Variants in ANO9 observed in about 807,000 individuals in gnomAD.
The protein encoded by ANO9 is anoctamin-9.
A neutral mutation model predicts 100.5 loss-of-function variants in ANO9; 80 were observed. The ratio of observed to expected loss-of-function variants is 0.80; its 90% CI spans 0.66 to 0.96. The LOEUF (loss-of-function observed/expected upper bound fraction) is 0.96. Among genes scored for constraint, ANO9 ranks in the 40% least tolerant of loss-of-function variants. The pLI is 0.00. For synonymous variants in ANO9, 473 were observed against 435.6 expected (o/e 1.09, Z -1.07); for missense variants, 1,064 against 1,072.7 (o/e 0.99, Z 0.11).
At chr11:427,245 G>A (rs1239567675) in intron 15 of ANO9, among the ~76,000 whole-genome samples, 3 of 152,048 alleles carry the variant, frequency 2.0e-5, no homozygotes, top group African/African-American at 7.2e-5. Context: ...AGCCACTCAG[G>A]AGGCTGAGGC....
intron 15 of ANO9, among the ~76,000 whole-genome samples, chr11:424,187 C>A (rs1848361156): frequency 6.6e-6 from 1 of 152,226 alleles, no homozygotes; most frequent in Non-Finnish European, 1.5e-5. Context: ...AGCCACTGCA[C>A]CTGGCCCACA....
Position 432,438 on chromosome 11 carries a change from T to A in ANO9, c.351-384A>T. On this transcript the variant is annotated intron_variant, in intron 4 of 22. Transcript: ENST00000332826. The surrounding 1 kb of genome is among the most constrained non-coding windows in gnomAD (Gnocchi z 4.8). ...CACCCTCCTTATACCCTGGAGCTGTTCTGTTCCACTGTGCAGAGCAGAGAC... is the reference window on the plus strand; with the variant it reads ...CACCCTCCTTATACCCTGGAGCTGTACTGTTCCACTGTGCAGAGCAGAGAC... The A allele has an allele frequency of 3.9e-6, 1 of 258,980 alleles. No homozygotes were observed. Among genetic ancestry groups the A allele is most frequent in the Non-Finnish European group, 7.6e-6 (1 of 132,288 alleles). 16.0% of individuals were successfully genotyped at this position (258,980 alleles called of 1,614,324 possible).
intron 15 of ANO9, among the ~76,000 whole-genome samples, chr11:423,150 T>C (rs530361909): frequency 1.3e-5 from 2 of 152,250 alleles, no homozygotes; most frequent in South Asian, 2.1e-4. Flanking sequence ...TTTTTGGCAA[T>C]TTGACAAAAT....
chr11:424,989 C>T (rs1219866766), intron 15 of ANO9, among the ~76,000 whole-genome samples: 1 of 145,396 alleles, frequency 6.9e-6, no homozygotes, highest in Non-Finnish European at 1.5e-5. Flanking sequence ...GAGGAAAAGG[C>T]GGCGGGGAGA....
rs201272481 is a variant in ANO9 at position 430,281 on chromosome 11, G to A, written c.662C>T (p.Ala221Val). Residue 221 changes from alanine (A) to valine (V), a missense_variant, in exon 8 of 23, where the codon GCC becomes GTC. Coordinates refer to ENST00000332826, the MANE Select transcript of ANO9 (RefSeq NM_001012302.3). ...TGCTGCGGCCCACCTGATCTGGCTG[G>A]CCTCAAACAGCGAGAATCCGCTCAG... ...VFLSGFSLFE[A>V]SQISKEICEA... The A allele has an allele frequency of 4.6e-5, 73 of 1,575,474 alleles. No homozygotes were observed. The East Asian group carries it at 9.9e-4, about 21-fold the overall frequency.
In ANO9 at chr11:421,487, ACGAACCGCACC is replaced by A. The variant is rs1848189539; in HGVS notation, c.1335-300_1335-290del. Among the ~76,000 whole-genome samples, 2 of 22,492 alleles carry A rather than the reference ACGAACCGCACC, an allele frequency of 8.9e-5. 1 individual carries two copies. The highest frequency in any genetic ancestry group is 1.6e-4 in the Non-Finnish European group (2 of 12,534). 14.8% of individuals were successfully genotyped at this position (22,492 alleles called of 152,430 possible). A position where few individuals can be genotyped will look rare whatever the true frequency, so the allele number is the denominator to read the frequency against. ...CACAGGGGAGGCCACAGGCTCCCAG[ACGAACCGCACC>A]TGCACGTGGGCGCACACACACCCAC... On this transcript the variant is annotated intron_variant, in intron 15 of 22. Coordinates refer to ENST00000332826, the MANE Select transcript of ANO9 (RefSeq NM_001012302.3). The surrounding 1 kb of genome is among the most constrained non-coding windows in gnomAD (Gnocchi z 6.8).
rs1716865557 is a variant in ANO9 at position 418,227 on chromosome 11, C to T, written c.*144G>A. On this transcript the variant is annotated 3_prime_UTR_variant, in exon 23 of 23. Transcript: ENST00000332826. ...GGCGGAATAGGGTGGCAGCTCACAGCCCTGAACATACAGGGGATTCCTGCG... is the reference window on the plus strand; with the variant it reads ...GGCGGAATAGGGTGGCAGCTCACAGTCCTGAACATACAGGGGATTCCTGCG... The T allele has an allele frequency of 3.6e-6, 3 of 831,716 alleles. No individual in the cohort carries two copies. The highest frequency in any genetic ancestry group is 5.5e-6 in the Non-Finnish European group (3 of 547,312). The allele number at this position is 831,716 out of a possible 1,614,324, so 51.5% of individuals were successfully genotyped here. A position where few individuals can be genotyped will look rare whatever the true frequency, so the allele number is the denominator to read the frequency against.
At position 430,412 on chromosome 11, in the gene ANO9, A is replaced by G; in HGVS notation, c.540-9T>C. ...TTTCCCCAAAGTAGTTCCTGCAGGC[A>G]GCAGGGGTCAAGGCCAGCTGTCAGG... On this transcript the variant is annotated splice_polypyrimidine_tract_variant and intron_variant, in intron 7 of 22. Transcript: ENST00000332826. The G allele has an allele frequency of 7.1e-7, 1 of 1,402,490 alleles. No homozygotes were observed. Among genetic ancestry groups the G allele is most frequent in the East Asian group, 3.4e-5 (1 of 29,756 alleles). The allele number at this position is 1,402,490 out of a possible 1,614,324, so 86.9% of individuals were successfully genotyped here.
At chr11:420,038 T>C in intron 19 of ANO9, 3 of 1,331,436 alleles carry the variant, frequency 2.3e-6, no homozygotes, top group Non-Finnish European at 2.9e-6. Flanking sequence ...TAAGACCTTG[T>C]AACCTGGGCC....
In ANO9 at chr11:422,865, T is replaced by C. The variant is rs1441874569; in HGVS notation, c.1335-1667A>G. ...TTTTTTTTCAGACAGAGTCTTGCTC[T>C]GTCACCCAGGCTGGAGTGCAATGGC... On this transcript the variant is annotated intron_variant, in intron 15 of 22. Transcript: ENST00000332826. The surrounding 1 kb of genome is among the most constrained non-coding windows in gnomAD (Gnocchi z 4.3). Among the ~76,000 whole-genome samples the C allele has an allele frequency of 1.3e-5, 2 of 151,722 alleles. No individual in the cohort carries two copies. The highest frequency in any genetic ancestry group is 4.9e-5 in the African/African-American group (2 of 41,210).
At position 420,106 on chromosome 11, in the gene ANO9, T is replaced by C. The variant is rs541504879; in HGVS notation, c.1786+357A>G. On this transcript the variant is annotated intron_variant, in intron 19 of 22. Coordinates refer to ENST00000332826, the MANE Select transcript of ANO9 (RefSeq NM_001012302.3). The stretch of plus-strand genomic sequence containing the variant: ...CTTTCCCCACATCCAGCGCCCCAGC[T>C]CCCGTCGCTCCCCTGCTGCCTGTCC... The C allele has an allele frequency of 5.5e-4, 725 of 1,316,136 alleles. 1 individual carries two copies. In the Middle Eastern group the frequency reaches 0.012, roughly 22 times the overall value. 81.5% of individuals were successfully genotyped at this position (1,316,136 alleles called of 1,614,324 possible).
rs1304632530 is a variant in ANO9, at chr11:418,571, T to G, written c.2149A>C (p.Lys717Gln). The G allele has an allele frequency of 6.2e-7, 1 of 1,612,948 alleles. No homozygotes were observed. Among genetic ancestry groups the G allele is most frequent in the Admixed American group, 1.7e-5 (1 of 60,030 alleles). The change falls in exon 23 of 23, where the codon AAG becomes CAG. Residue 717 changes from lysine (K) to glutamine (Q), a missense_variant. Transcript: ENST00000332826. ...ILFEHVALCI[K>Q]LIAAWFVPDI... ...GGCACGAACCAGGCGGCGATGAGCT[T>G]GATGCACAAGGCCACGTGCTAGCGG...
At position 430,147 on chromosome 11, in the gene ANO9, AT is replaced by A. The variant is rs766096219; in HGVS notation, c.706del (p.Met236CysfsTer101). 8 of 1,553,800 alleles carry A rather than the reference AT, an allele frequency of 5.1e-6. No homozygotes were observed. The South Asian group carries it at 9.5e-5, about 18-fold the overall frequency. ...KEICEAHDIL[M>X]CPLGDHSRRY... is the part of the protein sequence containing the mutation. ...GCGGCTGTGGTCGCCGAGGGGACACATGAGGATGTCGTGGGCCTCACAGATC... is the reference window on the plus strand; with the variant it reads ...GCGGCTGTGGTCGCCGAGGGGACACAGAGGATGTCGTGGGCCTCACAGATC... On this transcript the variant is annotated frameshift_variant, in exon 9 of 23. Coordinates refer to ENST00000332826, the MANE Select transcript of ANO9 (RefSeq NM_001012302.3). LOFTEE classifies it high-confidence loss of function.
chr11:440,936 C>T (rs1367447793), intron 1 of ANO9, among the ~76,000 whole-genome samples: 1 of 152,264 alleles, frequency 6.6e-6, no homozygotes, highest in Admixed American at 6.5e-5. Flanking sequence ...CTCTCACTTC[C>T]AACAAACCAG....
intron 1 of ANO9, among the ~76,000 whole-genome samples, chr11:435,633 GGTCTA>G (rs1169874685): frequency 2.2e-4 from 21 of 94,768 alleles, no homozygotes; most frequent in African/African-American, 7.2e-4. Context: ...AGTCTAGTAT[GGTCTA>G]GTCTAGTCTA....
intron 15 of ANO9, among the ~76,000 whole-genome samples, chr11:427,015 C>G (rs1848558221): frequency 6.6e-6 from 1 of 152,192 alleles, no homozygotes; most frequent in South Asian, 2.1e-4. Context: ...CAGGAGCTTC[C>G]AGAGTGAGAG....
At chr11:426,194 C>T (rs1397576707) in intron 15 of ANO9, among the ~76,000 whole-genome samples, 4 of 152,118 alleles carry the variant, frequency 2.6e-5, no homozygotes, top group Non-Finnish European at 5.9e-5. Context: ...AATGCAAACT[C>T]CCAAGTCACA....
Position 421,177 on chromosome 11 carries a change from C to A in ANO9, c.1356G>T (p.Lys452Asn), listed in dbSNP as rs902400209. The A allele has an allele frequency of 2.6e-6, 4 of 1,561,088 alleles. No individual in the cohort carries two copies. The highest frequency in any genetic ancestry group is 1.8e-5 in the Admixed American group (1 of 54,630). The change falls in exon 16 of 23, where the codon AAG becomes AAT. Residue 452 changes from lysine (K) to asparagine (N), a missense_variant. Lys to Asn is a moderately conservative substitution (Grantham distance 94, BLOSUM62 0). Transcript: ENST00000332826. The surrounding 1 kb of genome is among the most constrained non-coding windows in gnomAD (Gnocchi z 6.8). ...ILGRINGHPG[K>N]STRLAGLWKL... is the part of the protein sequence containing the mutation. The stretch of plus-strand genomic sequence containing the variant: ...TCCACAAGCCCGCCAGGCGCGTGGA[C>A]TTCCCGGGGTGGCCGTTGATCCTGG...
intron 1 of ANO9, among the ~76,000 whole-genome samples, chr11:436,319 G>C (rs570939549): frequency 1.2e-4 from 18 of 151,896 alleles, no homozygotes; most frequent in Middle Eastern, 3.4e-3. Flanking sequence ...CACCCGCCTC[G>C]GCCTCCCAAA....
Sources: allele counts gnomAD v4.1 joint callset (sites outside exome capture counted in the v4.1 genomes callset), GRCh38; gene constraint gnomAD v4.1.1; non-coding constraint Gnocchi (gnomAD v3.1); transcripts MANE v1.5; gene names NCBI Gene and HGNC (gene_info 2026-07-23, HGNC 2026-07-21).